Variants in ERICH6 observed in about 807,000 individuals in gnomAD.
The protein encoded by ERICH6 is glutamate rich 6, also known as glutamate-rich protein 6.
A neutral mutation model predicts 71.0 loss-of-function variants in ERICH6; 71 were observed. That is an observed-to-expected ratio of 1.00 (90% CI 0.83 to 1.22). The LOEUF (loss-of-function observed/expected upper bound fraction) is 1.22, where lower values mean the gene tolerates loss of function less well. ERICH6 is among the 50% of genes most tolerant of loss of function. The probability of loss-of-function intolerance (pLI) is 0.00; values close to 1 mark genes in which losing one functional copy is unlikely to be tolerated. For missense variants in ERICH6, 808 were observed against 797.2 expected (o/e 1.01, Z -0.16); for synonymous variants, 262 against 278.4 (o/e 0.94, Z 0.59).
At chr3:150,699,000 G>T in intron 2 of ERICH6, 118 bp from the exon 3 acceptor site, 1 of 679,190 alleles carries the variant, frequency 1.5e-6, no homozygotes. Flanking sequence ...TGTTTTCTTT[G>T]AAATATTTTC....
intron 13 of ERICH6, among the ~76,000 whole-genome samples, chr3:150,665,784 C>T (rs528781084): frequency 2.0e-5 from 3 of 146,714 alleles, no homozygotes; most frequent in South Asian, 2.2e-4. Context: ...GCTGAGATCG[C>T]GCCACTGTAC....
chr3:150,669,408 C>A lies in ERICH6; in HGVS notation c.1387G>T (p.Val463Leu). 6.2e-7 allele frequency: 1 copy of A among 1,613,644 alleles called. No homozygotes were observed. The highest frequency in any genetic ancestry group is 8.5e-7 in the Non-Finnish European group (1 of 1,179,838). Reference protein sequence around the residue: ...NLAIIRVPNKVNGFTCIVQED... With the variant: ...NLAIIRVPNKLNGFTCIVQED... ...TGGACTATACAAGTAAAACCATTTACCTTGTTGGGCACTCGAATGATGGCT... is the reference window on the plus strand; with the variant it reads ...TGGACTATACAAGTAAAACCATTTAACTTGTTGGGCACTCGAATGATGGCT... The change falls in exon 12 of 14, where the codon GTA becomes TTA. Residue 463 changes from valine to leucine, a missense_variant. This residue lies in a region of ERICH6 where 736 missense variants were observed against 712.2 expected (regional missense o/e 1.03). Transcript: ENST00000295910.
intron 10 of ERICH6, 124 bp from the exon 11 acceptor site, chr3:150,674,165 C>A: frequency 1.4e-6 from 1 of 728,320 alleles, no homozygotes; most frequent in South Asian, 1.9e-5. Flanking sequence ...TAAATGTTGG[C>A]CCTGCTTCAA....
At chr3:150,691,373 T>C (rs1391826210) in intron 3 of ERICH6, among the ~76,000 whole-genome samples, 3 of 152,190 alleles carry the variant, frequency 2.0e-5, no homozygotes, top group Non-Finnish European at 4.4e-5. Context: ...TGAATAATTT[T>C]TGTCTAATTC....
intron 3 of ERICH6, among the ~76,000 whole-genome samples, chr3:150,690,853 G>C (rs1170869288): frequency 9.9e-5 from 15 of 152,140 alleles, no homozygotes; most frequent in Admixed American, 7.9e-4. Flanking sequence ...TAATAGGTAA[G>C]ACATTGATAT....
In ERICH6 at chr3:150,678,365, G is replaced by C. The variant is rs780105541; in HGVS notation, c.1257+44C>G. 2.0e-6 allele frequency: 3 copies of C among 1,522,400 alleles called. No homozygotes were observed. The Admixed American group carries it at 7.3e-5, about 37-fold the overall frequency. The allele number at this position is 1,522,400 out of a possible 1,614,324, so 94.3% of individuals were successfully genotyped here. ...AGACTTTATAATTTTAGGTAAAACT[G>C]GTTTTTTTTAAAATAGCAAGTAAAA... is the stretch of plus-strand genomic sequence containing the variant. On this transcript the variant is annotated intron_variant, in intron 10 of 13. Coordinates refer to ENST00000295910, the MANE Select transcript of ERICH6 (RefSeq NM_152394.5).
At position 150,703,839 on chromosome 3, in the gene ERICH6, C is replaced by A. The variant is rs904110894; in HGVS notation, c.60G>T (p.Glu20Asp). 5 of 1,613,782 alleles carry A rather than the reference C, an allele frequency of 3.1e-6. No individual in the cohort carries two copies. Among genetic ancestry groups the A allele is most frequent in the Admixed American group, 1.7e-5 (1 of 59,984 alleles). The change falls in exon 1 of 14, where the codon GAG (glutamate) becomes GAT (aspartate). Residue 20 changes from glutamate (E) to aspartate (D), a missense_variant. Glu to Asp is a conservative substitution (Grantham distance 45, BLOSUM62 2). Transcript: ENST00000295910. Reference protein sequence around the residue: ...FGDPGKKDQKESEEELEEEEE... With the variant: ...FGDPGKKDQKDSEEELEEEEE... ...CCTCCTCCTCTAACTCCTCCTCTGA[C>A]TCCTTCTGGTCCTTCTTCCCCGGGT...
At chr3:150,678,356 G>A in intron 10 of ERICH6, 53 bp downstream of exon 10, 2 of 1,504,272 alleles carry the variant, frequency 1.3e-6, no homozygotes, top group Non-Finnish European at 1.8e-6. Context: ...TATAATTTTA[G>A]GTAAAACTGG....
intron 10 of ERICH6, among the ~76,000 whole-genome samples, chr3:150,678,177 G>T (rs968274692): frequency 3.3e-5 from 5 of 152,110 alleles, no homozygotes; most frequent in African/African-American, 1.2e-4. Context: ...TTTTCTAAGG[G>T]TTCCAAATGT....
intron 11 of ERICH6, 112 bp from the exon 12 acceptor site, chr3:150,669,563 G>A (rs980760857): frequency 6.7e-5 from 78 of 1,158,272 alleles, no homozygotes; most frequent in Admixed American, 9.7e-5. Context: ...GAAAATGGGA[G>A]GTACTATATT....
chr3:150,681,248 TA>T (rs944621862), intron 7 of ERICH6, among the ~76,000 whole-genome samples: 2 of 152,234 alleles, frequency 1.3e-5, no homozygotes, highest in African/African-American at 2.4e-5. Flanking sequence ...TCTGTCTCTC[TA>T]AATTTGCCTG....
At chr3:150,672,371 G>A (rs1429339683) in intron 11 of ERICH6, among the ~76,000 whole-genome samples, 1 of 151,400 alleles carries the variant, frequency 6.6e-6, no homozygotes, top group Non-Finnish European at 1.5e-5. Context: ...GCCAAGGTGA[G>A]CAGGTTACCT....
intron 12 of ERICH6, 37 bp downstream of exon 12, chr3:150,669,259 G>C (rs757552554): frequency 6.5e-6 from 10 of 1,547,022 alleles, no homozygotes; most frequent in Non-Finnish European, 8.7e-6. Context: ...CAGAACAAAA[G>C]CCACAAAATG....
intron 11 of ERICH6, among the ~76,000 whole-genome samples, chr3:150,670,737 A>G (rs1711499135): frequency 6.6e-6 from 1 of 152,194 alleles, no homozygotes; most frequent in Admixed American, 6.5e-5. Flanking sequence ...ACATTCTAAA[A>G]ATGAGATTAA....
At chr3:150,695,436 G>A (rs1209230539) in intron 3 of ERICH6, among the ~76,000 whole-genome samples, 2 of 151,986 alleles carry the variant, frequency 1.3e-5, no homozygotes, top group African/African-American at 2.4e-5. Context: ...CAGATCATGA[G>A]GTCAGGAAAG....
rs576508442 is a variant in ERICH6, at chr3:150,682,217, C to G, written c.882+1G>C. On this transcript the variant is annotated splice_donor_variant, in intron 7 of 13. Transcript: ENST00000295910. LOFTEE classifies it high-confidence loss of function. ...CACAGTAAACCTGACTTAGAACTTA[C>G]ATGCCCTTTTGGTTCAGAGGAAACA... is the stretch of plus-strand genomic sequence containing the variant. 7.4e-6 allele frequency: 12 copies of G among 1,611,828 alleles called. No homozygotes were observed. In the South Asian group the frequency reaches 1.3e-4, roughly 18 times the overall value.
intron 3 of ERICH6, among the ~76,000 whole-genome samples, chr3:150,687,697 G>GA (rs1179188229): frequency 1.3e-5 from 2 of 152,168 alleles, no homozygotes; most frequent in African/African-American, 4.8e-5. Flanking sequence ...TTGGAATGAT[G>GA]AAAAACCAAT....
In ERICH6 at chr3:150,678,294, C is replaced by A. The variant is rs1423891461; in HGVS notation, c.1257+115G>T. The A allele has an allele frequency of 7.9e-6, 8 of 1,007,144 alleles. No homozygotes were observed. The East Asian group carries it at 1.1e-4, about 14-fold the overall frequency. The allele number at this position is 1,007,144 out of a possible 1,614,324, so 62.4% of individuals were successfully genotyped here. A position where few individuals can be genotyped will look rare whatever the true frequency, so the allele number is the denominator to read the frequency against. ...TTAAAAGACCAAGTCTGTACCAATT[C>A]TTTTTGACAACTAGTTAAATGCATC... On this transcript the variant is annotated intron_variant, in intron 10 of 13. Coordinates refer to ENST00000295910, the MANE Select transcript of ERICH6 (RefSeq NM_152394.5).
chr3:150,680,744 G>A, intron 8 of ERICH6, 29 bp downstream of exon 8: 1 of 1,584,144 alleles, frequency 6.3e-7, no homozygotes, highest in Non-Finnish European at 8.6e-7. Context: ...CGGCCTGTAT[G>A]AGTTTCAGTA....
Sources: allele counts gnomAD v4.1 joint callset (sites outside exome capture counted in the v4.1 genomes callset), GRCh38; gene constraint gnomAD v4.1.1; regional missense constraint gnomAD v4.1.1; transcripts MANE v1.5; gene names NCBI Gene and HGNC (gene_info 2026-07-23, HGNC 2026-07-21).